MACROD1: variants seen among roughly 807,000 people sequenced by gnomAD.
The protein encoded by MACROD1 is mono-ADP ribosylhydrolase 1.
MACROD1 carries 31 observed loss-of-function variants against 41.4 expected under a neutral mutation model. The ratio of observed to expected loss-of-function variants is 0.75; its 90% CI spans 0.56 to 1.01. The LOEUF is 1.01. MACROD1 is among the 50% of genes least tolerant of loss of function. The pLI, the probability that MACROD1 is intolerant of heterozygous loss-of-function variation, is 0.00. For missense variants in MACROD1, 473 were observed against 460.0 expected, an observed-to-expected ratio of 1.03 and a Z score of -0.26; for synonymous variants, 252 against 203.4, an observed-to-expected ratio of 1.24 and a Z score of -2.03.
chr11:64,155,217 G>A (rs1422091306), intron 1 of MACROD1, among the ~76,000 whole-genome samples: 1 of 152,228 alleles, frequency 6.6e-6, no homozygotes, highest in Non-Finnish European at 1.5e-5. Context: ...GGAACAGTAT[G>A]TGCAAAAGCC....
intron 3 of MACROD1, among the ~76,000 whole-genome samples, chr11:64,111,890 G>C (rs1944869903): frequency 1.3e-5 from 2 of 152,202 alleles, no homozygotes; most frequent in African/African-American, 4.8e-5. Context: ...TCACAGGAGA[G>C]TGGGCATCTC....
intron 4 of MACROD1, among the ~76,000 whole-genome samples, chr11:64,006,998 T>C (rs1307845936): frequency 6.6e-6 from 1 of 152,168 alleles, no homozygotes; most frequent in Non-Finnish European, 1.5e-5. Flanking sequence ...GGGCCTTTCC[T>C]TGGGGAAGGG....
At chr11:63,999,470 C>T in intron 7 of MACROD1, 60 bp downstream of exon 7, 4 of 1,567,704 alleles carry the variant, frequency 2.6e-6, no homozygotes, top group Middle Eastern at 1.7e-4. Context: ...TCCGCCCCGG[C>T]CCCTCCCGGC....
intron 3 of MACROD1, among the ~76,000 whole-genome samples, chr11:64,086,363 A>C (rs1266221785): frequency 6.6e-6 from 1 of 152,008 alleles, no homozygotes; most frequent in African/African-American, 2.4e-5. Context: ...TTACATATGC[A>C]TATGGTGCCC....
At chr11:64,033,441 T>C (rs891419696) in intron 3 of MACROD1, among the ~76,000 whole-genome samples, 10 of 152,160 alleles carry the variant, frequency 6.6e-5, no homozygotes, top group African/African-American at 2.2e-4. Flanking sequence ...GGCTGGAGTG[T>C]AGTGGCACGA....
intron 3 of MACROD1, among the ~76,000 whole-genome samples, chr11:64,123,166 C>T (rs1945125482): frequency 6.6e-6 from 1 of 152,222 alleles, no homozygotes; most frequent in African/African-American, 2.4e-5. Flanking sequence ...AAGGGCCAGA[C>T]CCTGCTCTCA....
At chr11:64,057,174 A>G (rs927740825) in intron 3 of MACROD1, among the ~76,000 whole-genome samples, 1 of 152,192 alleles carries the variant, frequency 6.6e-6, no homozygotes, top group Non-Finnish European at 1.5e-5. Context: ...GGCCACAGCC[A>G]GCCCCGTGTT....
At chr11:64,143,445 T>C (rs893888098) in intron 3 of MACROD1, among the ~76,000 whole-genome samples, 5 of 152,014 alleles carry the variant, frequency 3.3e-5, no homozygotes, top group Admixed American at 6.6e-5. Flanking sequence ...CAGGCTGCCC[T>C]CAGTCCAGAG....
chr11:63,999,532 AAC>A lies in MACROD1; in HGVS notation c.813_814del (p.Phe272TrpfsTer5). ...CCTTGCCTTTCTTCCAGACTCACCAAACACGCCGGTGGAGATGCAGGGGAACG... is the reference window on the plus strand; with the variant it reads ...CCTTGCCTTTCTTCCAGACTCACCAAACGCCGGTGGAGATGCAGGGGAACG... On this transcript the variant is annotated frameshift_variant, in exon 7 of 11. Coordinates refer to ENST00000255681, the MANE Select transcript of MACROD1 (RefSeq NM_014067.4). LOFTEE classifies it high-confidence loss of function. The A allele has an allele frequency of 6.2e-7, 1 of 1,608,346 alleles. No individual in the cohort carries two copies. The highest frequency in any genetic ancestry group is 1.1e-5 in the South Asian group (1 of 90,040).
rs562028964 is a variant in MACROD1 at position 64,092,843 on chromosome 11, C to T, written c.517+58396G>A. Reference sequence around the variant, plus strand: ...AGACATGAACGCTGGGAGGTTAACACGTGTCACCAAAGACAAAGTCAATGG... The same window carrying T: ...AGACATGAACGCTGGGAGGTTAACATGTGTCACCAAAGACAAAGTCAATGG... On this transcript the variant is annotated intron_variant, in intron 3 of 10. Transcript: ENST00000255681. Among the ~76,000 whole-genome samples, 5 of 152,366 alleles carry T rather than the reference C, an allele frequency of 3.3e-5. No individual in the cohort carries two copies. In the South Asian group the frequency reaches 6.2e-4, roughly 19 times the overall value.
chr11:64,139,058 C>T (rs181693195), intron 3 of MACROD1, among the ~76,000 whole-genome samples: 272 of 152,286 alleles, frequency 1.8e-3, no homozygotes, highest in African/African-American at 5.9e-3. Context: ...TGAGCCACCG[C>T]GCCCGGCCCA....
In MACROD1 at chr11:64,116,671, A is replaced by G. The variant is rs758214389; in HGVS notation, c.517+34568T>C. 3 of 1,614,004 alleles carry G rather than the reference A, an allele frequency of 1.9e-6. No homozygotes were observed. The Admixed American group carries it at 5.0e-5, about 27-fold the overall frequency. On this transcript the variant is annotated intron_variant, in intron 3 of 10. Transcript: ENST00000255681. ...CGCTCCCTCCGGGAGCTGCACCTGC[A>G]GGACAACAATGTGCGCACCATTGCC... is the stretch of plus-strand genomic sequence containing the variant.
At chr11:64,128,344 C>G (rs1454428751) in intron 3 of MACROD1, among the ~76,000 whole-genome samples, 1 of 152,298 alleles carries the variant, frequency 6.6e-6, no homozygotes, top group East Asian at 1.9e-4. Context: ...AGCCAGCCAG[C>G]CAGCCAGGAG....
chr11:64,009,712 T>G (rs1226003996), intron 4 of MACROD1, among the ~76,000 whole-genome samples: 4 of 152,064 alleles, frequency 2.6e-5, no homozygotes, highest in African/African-American at 9.7e-5. Context: ...CCCTCCAGGT[T>G]AAGTCCCTTT....
At position 64,027,189 on chromosome 11, in the gene MACROD1, G is replaced by A. The variant is rs1284449631; in HGVS notation, c.518-11908C>T. The stretch of plus-strand genomic sequence containing the variant: ...TGGGGAAGGGGCTTTGCAGAGGGGA[G>A]TGTGGCTGAGAGGAGGGCAGAGAGG... On this transcript the variant is annotated intron_variant, in intron 3 of 10. Coordinates refer to ENST00000255681, the MANE Select transcript of MACROD1 (RefSeq NM_014067.4). Among the ~76,000 whole-genome samples the A allele has an allele frequency of 7.2e-5, 11 of 152,246 alleles. No individual in the cohort carries two copies. The East Asian group carries it at 2.1e-3, about 29-fold the overall frequency.
At chr11:64,109,425 C>G (rs1164009039) in intron 3 of MACROD1, among the ~76,000 whole-genome samples, 3 of 152,144 alleles carry the variant, frequency 2.0e-5, no homozygotes, top group Admixed American at 6.5e-5. Context: ...GGCCTCTCCC[C>G]ACTCGTGACA....
In MACROD1 at chr11:64,090,427, C is replaced by T. The variant is rs900346693; in HGVS notation, c.517+60812G>A. 6.3e-4 allele frequency among the ~76,000 whole-genome samples: 96 copies of T among 152,202 alleles called. 1 individual carries two copies. Among genetic ancestry groups the T allele is most frequent in the Admixed American group, 4.6e-4 (7 of 15,288 alleles). ...TTTATTTCCTCAACTCACCTCCAGC[C>T]CGGGCAGCAGTGGGTCGATAATAAT... On this transcript the variant is annotated intron_variant, in intron 3 of 10. Coordinates refer to ENST00000255681, the MANE Select transcript of MACROD1 (RefSeq NM_014067.4). This position sits in a 1 kb window ranked among gnomAD's most constrained non-coding sequence, Gnocchi z 4.7.
intron 4 of MACROD1, chr11:64,001,146 A>C: frequency 2.3e-6 from 1 of 439,186 alleles, no homozygotes; most frequent in Non-Finnish European, 4.1e-6. Context: ...GCATGGAGGA[A>C]ACGCTCCAGC....
At chr11:64,069,200 C>T (rs2250281) in intron 3 of MACROD1, among the ~76,000 whole-genome samples, 4,491 of 152,236 alleles carry the variant, frequency 0.03, 227 homozygotes, top group African/African-American at 0.1. Flanking sequence ...AGGGCCACTG[C>T]GCGCGGCCGG....
Sources: allele counts gnomAD v4.1 joint callset (sites outside exome capture counted in the v4.1 genomes callset), GRCh38; gene constraint gnomAD v4.1.1; non-coding constraint Gnocchi (gnomAD v3.1); transcripts MANE v1.5; gene names NCBI Gene and HGNC (gene_info 2026-07-23, HGNC 2026-07-21).